The following DDX46 variants were observed in gnomAD, a reference collection of about 807,000 sequenced individuals.
DDX46 encodes the protein probable ATP-dependent RNA helicase DDX46.
In DDX46, 30 loss-of-function variants were observed where a neutral mutation model predicts 134.9. The ratio of observed to expected loss-of-function variants is 0.22; its 90% CI spans 0.17 to 0.30. The LOEUF (loss-of-function observed/expected upper bound fraction) is 0.30, where lower values mean the gene tolerates loss of function less well. Ranked by LOEUF, DDX46 falls within the 10% of genes least tolerant of loss-of-function variation. DDX46 has a pLI of 1.00. For missense variants in DDX46, 622 were observed against 1,248.7 expected, an observed-to-expected ratio of 0.50 and a Z score of 7.56; for synonymous variants, 415 against 404.1, an observed-to-expected ratio of 1.03 and a Z score of -0.32.
intron 6 of DDX46, among the ~76,000 whole-genome samples, chr5:134,778,468 T>A (rs989929440): frequency 6.7e-6 from 1 of 148,254 alleles, no homozygotes; most frequent in Non-Finnish European, 1.5e-5. Flanking sequence ...GGGCAGTGAC[T>A]TTTACCTGTG....
At chr5:134,813,222 C>T (rs984902156) in intron 18 of DDX46, among the ~76,000 whole-genome samples, 5 of 152,174 alleles carry the variant, frequency 3.3e-5, no homozygotes, top group Non-Finnish European at 7.4e-5. Flanking sequence ...AGATTACAGG[C>T]GTGAGCCACC....
chr5:134,800,832 C>T (rs866338142), intron 15 of DDX46, among the ~76,000 whole-genome samples: 1 of 152,114 alleles, frequency 6.6e-6, no homozygotes, highest in African/African-American at 2.4e-5. Flanking sequence ...TGTGCCACCT[C>T]GTCTCACTAA....
chr5:134,813,623 TTTTTGTCTTG>T (rs1755207904), intron 18 of DDX46, among the ~76,000 whole-genome samples: 1 of 152,082 alleles, frequency 6.6e-6, no homozygotes, highest in Non-Finnish European at 1.5e-5. Flanking sequence ...TATGGGGTTT[TTTTTGTCTTG>T]TTTTGTTTTG....
intron 18 of DDX46, among the ~76,000 whole-genome samples, chr5:134,812,561 C>T (rs1482558829): frequency 6.6e-6 from 1 of 152,134 alleles, no homozygotes; most frequent in African/African-American, 2.4e-5. Flanking sequence ...TCCAGGACCA[C>T]AGTGGGAGTT....
At chr5:134,808,451 A>T (rs1364607136) in intron 16 of DDX46, among the ~76,000 whole-genome samples, 1 of 152,172 alleles carries the variant, frequency 6.6e-6, no homozygotes, top group East Asian at 1.9e-4. Flanking sequence ...GAAGTGAAAA[A>T]CTGGTTGTAT....
At position 134,783,009 on chromosome 5, in the gene DDX46, A is replaced by C. The variant is rs1172818897; in HGVS notation, c.1110A>C (p.Pro370=). 45 of 1,613,772 alleles carry C rather than the reference A, an allele frequency of 2.8e-5. No individual in the cohort carries two copies. The highest frequency in any genetic ancestry group is 3.6e-5 in the Non-Finnish European group (42 of 1,179,854). Residue 370 remains proline (P), a synonymous_variant, in exon 9 of 23, where the codon CCA becomes CCC. Coordinates refer to ENST00000452510, the MANE Select transcript of DDX46 (RefSeq NM_001300860.2). ...ITVKGKGCPK[P]IKSWVQCGIS... is the part of the protein sequence containing the mutation. The stretch of plus-strand genomic sequence containing the variant: ...TTAAAGGAAAAGGTTGCCCCAAACC[A>C]ATTAAATCCTGGGTCCAGTGTGGAA...
At chr5:134,810,274 GAAAAACA>G (rs1359035430) in intron 16 of DDX46, among the ~76,000 whole-genome samples, 1 of 150,300 alleles carries the variant, frequency 6.7e-6, no homozygotes, top group African/African-American at 2.4e-5. Flanking sequence ...AAAAAAAAAG[GAAAAACA>G]AAAAACAAAA....
At chr5:134,816,652 T>G in intron 19 of DDX46, 46 bp downstream of exon 19, 4 of 1,569,058 alleles carry the variant, frequency 2.5e-6, no homozygotes, top group Non-Finnish European at 3.5e-6. Flanking sequence ...TAAGAAGTTC[T>G]TTGATTTTAC....
intron 2 of DDX46, among the ~76,000 whole-genome samples, chr5:134,766,379 G>A (rs1302133742): frequency 6.6e-6 from 1 of 151,764 alleles, no homozygotes; most frequent in Non-Finnish European, 1.5e-5. Context: ...CCAACATGGA[G>A]AAACCCCATC....
intron 16 of DDX46, among the ~76,000 whole-genome samples, chr5:134,810,106 CT>C (rs1427148584): frequency 2.0e-5 from 3 of 151,828 alleles, no homozygotes; most frequent in African/African-American, 7.3e-5. Flanking sequence ...GAGATGTGGT[CT>C]TGCCATTTTT....
chr5:134,804,767 A>C, intron 15 of DDX46: 1 of 320,848 alleles, frequency 3.1e-6, no homozygotes, highest in Non-Finnish European at 6.2e-6. Flanking sequence ...TTCAAAAATA[A>C]TTTTTAAAAT....
rs74685912 is a variant in DDX46, at chr5:134,781,751, A to G, written c.880-170A>G. On this transcript the variant is annotated intron_variant, in intron 7 of 22. Coordinates refer to ENST00000452510, the MANE Select transcript of DDX46 (RefSeq NM_001300860.2). ...AGGTGATTTTAAAATTATGAGGTTTAAGTGTGCTGGAGCACTATAAAAATC... is the reference window on the plus strand; with the variant it reads ...AGGTGATTTTAAAATTATGAGGTTTGAGTGTGCTGGAGCACTATAAAAATC... Among the ~76,000 whole-genome samples, 1,119 of 152,336 alleles carry G rather than the reference A, an allele frequency of 7.3e-3. 11 individuals are homozygous for G. Among genetic ancestry groups the G allele is most frequent in the African/African-American group, 0.026 (1,063 of 41,586 alleles).
intron 1 of DDX46, among the ~76,000 whole-genome samples, chr5:134,760,723 GTTTTTT>G: frequency 6.6e-6 from 1 of 151,988 alleles, no homozygotes; most frequent in Non-Finnish European, 1.5e-5. Context: ...TTACTTGGTT[GTTTTTT>G]TGTTTTTGTT....
At chr5:134,787,203 GTA>G (rs910211710) in intron 11 of DDX46, among the ~76,000 whole-genome samples, 3 of 152,088 alleles carry the variant, frequency 2.0e-5, no homozygotes, top group Non-Finnish European at 4.4e-5. Flanking sequence ...CCTCCGAAAG[GTA>G]TAGACGTGAG....
chr5:134,781,935 G>C lies in DDX46; in HGVS notation c.894G>C (p.Glu298Asp). 1.2e-6 allele frequency: 2 copies of C among 1,606,348 alleles called. No homozygotes were observed. The highest frequency in any genetic ancestry group is 1.7e-6 in the Non-Finnish European group (2 of 1,178,286). The change falls in exon 8 of 23, where the codon GAG (glutamate) becomes GAC (aspartate). Residue 298 changes from glutamate (E) to aspartate (D), a missense_variant. Around this residue, in one of 8 missense-constraint regions of DDX46, gnomAD observed 9 missense variants for 37.7 expected, o/e 0.24. Transcript: ENST00000452510. ...TTAAACTATAGTATTCTTCAGAGGA[G>C]GAAGAAGTTGATCTTCAGACAGCCC... ...DQDAMEYSSEEEEVDLQTALT... is the reference protein window; with the variant it reads ...DQDAMEYSSEDEEVDLQTALT...
chr5:134,813,918 C>A (rs1267674402), intron 18 of DDX46, among the ~76,000 whole-genome samples: 1 of 152,064 alleles, frequency 6.6e-6, no homozygotes, highest in Admixed American at 6.6e-5. Flanking sequence ...AGCCACCATG[C>A]CCAGCCCACT....
intron 1 of DDX46, among the ~76,000 whole-genome samples, chr5:134,762,510 A>G (rs1000822678): frequency 2.6e-5 from 4 of 152,084 alleles, no homozygotes; most frequent in Admixed American, 6.6e-5. Context: ...AGGCAGGTAG[A>G]TCACCTGAGG....
At chr5:134,826,531 T>G (rs558753656) in intron 21 of DDX46, 6 of 153,336 alleles carry the variant, frequency 3.9e-5, no homozygotes, top group African/African-American at 1.4e-4. Flanking sequence ...AAGATTTTGT[T>G]CAGACGAGAC....
Position 134,817,552 on chromosome 5 carries a change from C to T in DDX46, c.2670C>T (p.Pro890=). 2.5e-6 allele frequency: 4 copies of T among 1,614,104 alleles called. No homozygotes were observed. Among genetic ancestry groups the T allele is most frequent in the Non-Finnish European group, 3.4e-6 (4 of 1,180,028 alleles). Residue 890 remains proline (P), a synonymous_variant, in exon 20 of 23, where the codon CCC becomes CCT. Transcript: ENST00000452510. ...TTAGGGGTGGCACCATTCTGGCTCC[C>T]ACTGTTTCTGCAAAAACCATTGCAG... is the stretch of plus-strand genomic sequence containing the variant. ...AILRGGTILA[P]TVSAKTIAEQ...
Sources: allele counts gnomAD v4.1 joint callset (sites outside exome capture counted in the v4.1 genomes callset), GRCh38; gene constraint gnomAD v4.1.1; regional missense constraint gnomAD v4.1.1; transcripts MANE v1.5; gene names NCBI Gene and HGNC (gene_info 2026-07-23, HGNC 2026-07-21).